The following AFDN variants were observed in gnomAD, a reference collection of about 807,000 sequenced individuals.
AFDN encodes afadin.
AFDN carries 68 observed loss-of-function variants against 216.6 expected under a neutral mutation model. The observed-to-expected ratio is 0.31, with a 90% CI of 0.26 to 0.38. The LOEUF is 0.38. AFDN is among the 10% of genes least tolerant of loss of function. The probability of loss-of-function intolerance (pLI) is 1.00; values close to 1 mark genes in which losing one functional copy is unlikely to be tolerated. For missense variants in AFDN, 2,136 were observed against 2,342.0 expected (o/e 0.91, Z 1.82); for synonymous variants, 868 against 853.7 (o/e 1.02, Z -0.29).
chr6:167,839,084 A>AGT (rs1423571762), intron 1 of AFDN, among the ~76,000 whole-genome samples: 5 of 152,188 alleles, frequency 3.3e-5, no homozygotes, highest in African/African-American at 1.2e-4. Flanking sequence ...CCAACCATGA[A>AGT]GTGCTACCTG....
intron 30 of AFDN, among the ~76,000 whole-genome samples, chr6:167,956,140 A>AAAAAAC (rs1796494236): frequency 6.8e-6 from 1 of 146,212 alleles, no homozygotes. Context: ...AAAAAAAAAA[A>AAAAAAC]CTATAGAATT....
chr6:167,869,281 G>T (rs186932292), intron 2 of AFDN, among the ~76,000 whole-genome samples: 14 of 152,110 alleles, frequency 9.2e-5, no homozygotes, highest in Non-Finnish European at 2.9e-5. Context: ...AAAGTGCTGG[G>T]TCTTGTGTTA....
At position 167,875,473 on chromosome 6, in the gene AFDN, C is replaced by T; in HGVS notation, c.717C>T (p.Ser239=). The T allele has an allele frequency of 4.3e-6, 7 of 1,613,852 alleles. No homozygotes were observed. The highest frequency in any genetic ancestry group is 5.9e-6 in the Non-Finnish European group (7 of 1,179,882). ...KLEKRMQEFR[S]SDGRPDSGGT... is the part of the protein sequence containing the mutation. ...AAAAGAGAATGCAGGAATTTCGGAG[C>T]TCAGATGGGCGGCCTGATTCAGGTA... The change falls in exon 5 of 34, where the codon AGC becomes AGT. Residue 239 remains serine, a synonymous_variant. Transcript: ENST00000683244.
chr6:167,871,711 T>TA (rs1294820528), intron 3 of AFDN, among the ~76,000 whole-genome samples: 26 of 152,044 alleles, frequency 1.7e-4, no homozygotes, highest in African/African-American at 5.6e-4. Flanking sequence ...ACATAATACT[T>TA]ACAACAGTTT....
intron 30 of AFDN, chr6:167,954,595 A>G: frequency 2.1e-6 from 2 of 958,798 alleles, no homozygotes; most frequent in Admixed American, 5.6e-5. Context: ...AGTTCTCCTT[A>G]GGGGTGTCCT....
chr6:167,874,193 A>G (rs1314219143), intron 4 of AFDN, among the ~76,000 whole-genome samples: 1 of 152,192 alleles, frequency 6.6e-6, no homozygotes, highest in Non-Finnish European at 1.5e-5. Context: ...GCAGTGAGCA[A>G]TGACTGTGCC....
chr6:167,965,967 C>G lies in AFDN; in HGVS notation c.5179C>G (p.Leu1727Val). 6.4e-7 allele frequency: 1 copy of G among 1,551,220 alleles called. No homozygotes were observed. Among genetic ancestry groups the G allele is most frequent in the Non-Finnish European group, 8.7e-7 (1 of 1,146,952 alleles). ...CGCCTCCTACCTCAAAACACAGGTC[C>G]TCTCCCCCGACTCGCTGTTCACTGC... is the stretch of plus-strand genomic sequence containing the variant. The part of the protein sequence containing the change: ...RNASYLKTQV[L>V]SPDSLFTAKF... The change falls in exon 32 of 34, where the codon CTC becomes GTC. Residue 1727 changes from leucine (L) to valine (V), a missense_variant. Transcript: ENST00000683244.
Position 167,904,852 on chromosome 6 carries a change from A to T in AFDN, c.1651-2319A>T, listed in dbSNP as rs117415550. ...CTCATCATTCTCCTCACATTTAAAA[A>T]ATGTAAATTAGATTCTAGTTACTGT... On this transcript the variant is annotated intron_variant, in intron 12 of 33. Coordinates refer to ENST00000683244, the MANE Select transcript of AFDN (RefSeq NM_001386888.1). 1.6e-4 allele frequency among the ~76,000 whole-genome samples: 25 copies of T among 152,270 alleles called. No homozygotes were observed. In the East Asian group the frequency reaches 4.8e-3, roughly 29 times the overall value.
intron 30 of AFDN, among the ~76,000 whole-genome samples, chr6:167,958,634 C>T (rs1284966867): frequency 6.6e-6 from 1 of 152,186 alleles, no homozygotes; most frequent in Non-Finnish European, 1.5e-5. Context: ...CAAAGAGTTC[C>T]GTGGTTCTGC....
intron 29 of AFDN, among the ~76,000 whole-genome samples, chr6:167,950,431 CTCTG>C (rs1460111115): frequency 2.8e-5 from 4 of 145,006 alleles, no homozygotes; most frequent in African/African-American, 5.3e-5. Flanking sequence ...TGTCATTTCT[CTCTG>C]TCTCTCACAG....
At chr6:167,944,156 C>T in intron 26 of AFDN, 97 bp downstream of exon 26, 1 of 927,744 alleles carries the variant, frequency 1.1e-6, no homozygotes. Flanking sequence ...TACTATCGCC[C>T]CAGTTTTAAA....
rs148670325 is a variant in AFDN at position 167,878,460 on chromosome 6, A to G, written c.740-1900A>G. On this transcript the variant is annotated intron_variant, in intron 5 of 33. Transcript: ENST00000683244. Reference sequence around the variant, plus strand: ...CTCCACTCCTGTTGCTAATGTCCCTATCTTCATCCAAAAGCCAGGATCTTC... The same window carrying G: ...CTCCACTCCTGTTGCTAATGTCCCTGTCTTCATCCAAAAGCCAGGATCTTC... Among the ~76,000 whole-genome samples the G allele has an allele frequency of 2.7e-3, 411 of 152,242 alleles. 4 individuals carry two copies. The highest frequency in any genetic ancestry group is 9.1e-3 in the African/African-American group (378 of 41,556).
intron 15 of AFDN, chr6:167,911,844 T>C (rs1013359719): frequency 3.3e-5 from 10 of 300,368 alleles, no homozygotes; most frequent in East Asian, 2.4e-4. Flanking sequence ...CAGTCGCATT[T>C]GGTGCATTCA....
chr6:167,891,446 TGTGTGG>T, intron 8 of AFDN, among the ~76,000 whole-genome samples: 3 of 150,790 alleles, frequency 2.0e-5, no homozygotes, highest in African/African-American at 4.9e-5. Flanking sequence ...TGTGTGTGTG[TGTGTGG>T]CTGTTGTTTC....
chr6:167,830,178 G>T (rs1205416748), intron 1 of AFDN, among the ~76,000 whole-genome samples: 3 of 152,164 alleles, frequency 2.0e-5, no homozygotes, highest in Admixed American at 2.0e-4. Flanking sequence ...TTCTTTTAGG[G>T]ATTCCTGGAT....
chr6:167,864,449 AT>A, intron 1 of AFDN, 101 bp from the exon 2 acceptor site: 1 of 1,132,524 alleles, frequency 8.8e-7, no homozygotes, highest in Non-Finnish European at 1.3e-6. Flanking sequence ...ATGATGAAGC[AT>A]TTTTTAAAAA....
chr6:167,914,034 G>A, intron 16 of AFDN, 134 bp from the exon 17 acceptor site: 2 of 883,572 alleles, frequency 2.3e-6, no homozygotes, highest in Non-Finnish European at 3.4e-6. Context: ...GCAAATATCT[G>A]GTATCTGTGG....
intron 32 of AFDN, chr6:167,966,291 A>G (rs1253395937): frequency 6.1e-6 from 9 of 1,482,714 alleles, no homozygotes; most frequent in African/African-American, 2.8e-5. Context: ...AAGAGTGACA[A>G]ATCAGCTCTC....
chr6:167,947,474 C>T (rs953636289), intron 27 of AFDN, among the ~76,000 whole-genome samples: 1 of 152,138 alleles, frequency 6.6e-6, no homozygotes, highest in Non-Finnish European at 1.5e-5. Flanking sequence ...CCACCATGCC[C>T]AGCCAATATT....
Sources: gnomAD v4.1 joint callset for allele counts (sites outside exome capture counted in the v4.1 genomes callset) on GRCh38, gnomAD v4.1.1 for gene constraint, MANE v1.5 for transcripts, NCBI Gene and HGNC (gene_info 2026-07-23, HGNC 2026-07-21) for gene names.